PCDHA7: variants seen among roughly 807,000 people sequenced by gnomAD.
PCDHA7 encodes protocadherin alpha 7.
In PCDHA7, 37 loss-of-function variants were observed where a neutral mutation model predicts 57.2. The ratio of observed to expected loss-of-function variants is 0.65; its 90% CI spans 0.50 to 0.85. PCDHA7 has a LOEUF of 0.85. Ranked by LOEUF, PCDHA7 falls within the 40% of genes least tolerant of loss-of-function variation. The pLI is 0.00. For synonymous variants in PCDHA7, 553 were observed against 558.8 expected, an observed-to-expected ratio of 0.99 and a Z score of 0.15; for missense variants, 1,188 against 1,241.8, an observed-to-expected ratio of 0.96 and a Z score of 0.65.
intron 3 of PCDHA7, among the ~76,000 whole-genome samples, chr5:141,000,640 C>G (rs2097954123): frequency 6.6e-6 from 1 of 151,256 alleles, no homozygotes; most frequent in South Asian, 2.1e-4. Flanking sequence ...GTTGGGCAGG[C>G]TGGTCTCGAA....
At chr5:140,899,460 T>G (rs2153464035) in intron 1 of PCDHA7, among the ~76,000 whole-genome samples, 1 of 152,380 alleles carries the variant, frequency 6.6e-6, no homozygotes, top group East Asian at 1.9e-4. Context: ...ATGTGGTTTT[T>G]GTCTTTGGTT....
chr5:140,994,788 C>G (rs139745274), intron 3 of PCDHA7, among the ~76,000 whole-genome samples: 1 of 152,194 alleles, frequency 6.6e-6, no homozygotes, highest in East Asian at 1.9e-4. Context: ...GGAAACAATG[C>G]GTGCATGCAA....
At chr5:140,863,023 G>T (rs782495275) in intron 1 of PCDHA7, 12 of 553,926 alleles carry the variant, frequency 2.2e-5, no homozygotes, top group South Asian at 1.5e-4. Context: ...CCTGGTTGTC[G>T]CAACAGCTGC....
At chr5:140,969,702 C>A (rs1305755991) in intron 1 of PCDHA7, among the ~76,000 whole-genome samples, 1 of 152,144 alleles carries the variant, frequency 6.6e-6, no homozygotes, top group African/African-American at 2.4e-5. Context: ...TCTGCTGTAT[C>A]ATCTACAGGG....
intron 1 of PCDHA7, chr5:140,859,106 A>G (rs2045724264): frequency 6.7e-6 from 1 of 150,166 alleles, no homozygotes; most frequent in African/African-American, 2.4e-5. Context: ...CACTTAGCAG[A>G]AGAAAATGTA....
rs138591837 is a variant in PCDHA7 at position 140,843,301 on chromosome 5, C to T, written c.2355+6563C>T. The T allele has an allele frequency of 6.3e-6, 10 of 1,595,850 alleles. 1 individual carries two copies. The African/African-American group carries it at 6.7e-5, about 11-fold the overall frequency. On this transcript the variant is annotated intron_variant, in intron 1 of 3. Transcript: ENST00000525929. The stretch of plus-strand genomic sequence containing the variant: ...AGGATCATGGTGAACCTGCGCTGAC[C>T]GCCACGGCCACGGTTCTGGTGTCGC...
chr5:140,916,092 A>T (rs1396935399), intron 1 of PCDHA7, among the ~76,000 whole-genome samples: 1 of 152,092 alleles, frequency 6.6e-6, no homozygotes, highest in Non-Finnish European at 1.5e-5. Flanking sequence ...GTCCACAGGG[A>T]ATCTGCCTGG....
chr5:140,870,209 C>T (rs1174096449), intron 1 of PCDHA7: 3 of 1,614,176 alleles, frequency 1.9e-6, no homozygotes, highest in East Asian at 4.5e-5. Context: ...ACGGTCATTG[C>T]CCTGATCAGC....
intron 1 of PCDHA7, among the ~76,000 whole-genome samples, chr5:140,899,684 G>T (rs1554188704): frequency 6.6e-6 from 1 of 152,154 alleles, no homozygotes; most frequent in African/African-American, 2.4e-5. Context: ...TCAGGATGAT[G>T]CTGGCCTCAT....
chr5:140,892,310 A>AT (rs1422110989), intron 1 of PCDHA7, among the ~76,000 whole-genome samples: 1 of 152,230 alleles, frequency 6.6e-6, no homozygotes, highest in Non-Finnish European at 1.5e-5. Flanking sequence ...TTTGGGGCTT[A>AT]TAACATTTTC....
intron 3 of PCDHA7, among the ~76,000 whole-genome samples, chr5:140,996,546 T>C (rs1179221123): frequency 6.6e-6 from 1 of 152,224 alleles, no homozygotes; most frequent in Admixed American, 6.5e-5. Flanking sequence ...GATATTATGC[T>C]GTCACTATCT....
chr5:140,843,845 C>T (rs1191998999), intron 1 of PCDHA7: 4 of 1,001,396 alleles, frequency 4.0e-6, no homozygotes, highest in African/African-American at 1.6e-5. Context: ...TTTTTAGAAA[C>T]CTTTTATAAT....
chr5:140,848,667 G>A lies in PCDHA7; in HGVS notation c.2355+11929G>A, dbSNP rs1173870910. On this transcript the variant is annotated intron_variant, in intron 1 of 3. Coordinates refer to ENST00000525929, the MANE Select transcript of PCDHA7 (RefSeq NM_018910.3). ...GCAGGACCTGGGGCTGGAGCTGGCG[G>A]AGCTGGTGCCGCGCCTGTTCCAGTT... The A allele has an allele frequency of 1.0e-5, 16 of 1,592,228 alleles. No individual in the cohort carries two copies. Among genetic ancestry groups the A allele is most frequent in the Non-Finnish European group, 1.3e-5 (15 of 1,163,428 alleles).
intron 1 of PCDHA7, among the ~76,000 whole-genome samples, chr5:140,881,841 C>T (rs1386401088): frequency 6.6e-6 from 1 of 152,182 alleles, no homozygotes; most frequent in East Asian, 1.9e-4. Context: ...GCATGGAATT[C>T]TTACACATGG....
At chr5:140,955,130 T>A (rs1173088504) in intron 1 of PCDHA7, among the ~76,000 whole-genome samples, 1 of 152,228 alleles carries the variant, frequency 6.6e-6, no homozygotes, top group African/African-American at 2.4e-5. Context: ...TCCACTGGTC[T>A]ACACGTCTGT....
At chr5:140,881,244 CG>C in intron 1 of PCDHA7, 1 of 397,012 alleles carries the variant, frequency 2.5e-6, no homozygotes, top group Non-Finnish European at 3.4e-6. Flanking sequence ...ATTTAAATGA[CG>C]GCAAGGTTTT....
chr5:140,848,357 T>A (rs2150409370), intron 1 of PCDHA7: 1 of 1,035,382 alleles, frequency 9.7e-7, no homozygotes, highest in Non-Finnish European at 1.4e-6. Flanking sequence ...CCTTTTCCCA[T>A]GGGAAAGAGG....
intron 1 of PCDHA7, among the ~76,000 whole-genome samples, chr5:140,948,548 A>G (rs1300192349): frequency 6.6e-6 from 1 of 151,532 alleles, no homozygotes; most frequent in Non-Finnish European, 1.5e-5. Flanking sequence ...TGCTCTGTCA[A>G]TTTTGTTAAG....
chr5:140,929,101 A>G (rs1554206680), intron 1 of PCDHA7: 3 of 1,614,242 alleles, frequency 1.9e-6, no homozygotes, highest in Admixed American at 1.7e-5. Flanking sequence ...AAATCCTTGC[A>G]TGACATCAGC....
Sources: allele counts gnomAD v4.1 joint callset (sites outside exome capture counted in the v4.1 genomes callset), GRCh38; gene constraint gnomAD v4.1.1; transcripts MANE v1.5; gene names NCBI Gene and HGNC (gene_info 2026-07-23, HGNC 2026-07-21).